Variants in KLHL1 observed in about 807,000 individuals in gnomAD.
KLHL1 encodes kelch-like protein 1.
KLHL1 carries 47 observed loss-of-function variants against 77.7 expected under a neutral mutation model. The ratio of observed to expected loss-of-function variants is 0.60; its 90% CI spans 0.48 to 0.77. The LOEUF (loss-of-function observed/expected upper bound fraction) is 0.77. Among genes scored for constraint, KLHL1 ranks in the 30% least tolerant of loss-of-function variants. The pLI is 0.00. For missense variants in KLHL1, 925 were observed against 910.8 expected (o/e 1.02, Z -0.20); for synonymous variants, 360 against 325.2 (o/e 1.11, Z -1.15).
intron 1 of KLHL1, among the ~76,000 whole-genome samples, chr13:69,985,800 T>C (rs1884849736): frequency 6.8e-6 from 1 of 147,196 alleles, no homozygotes; most frequent in Non-Finnish European, 1.5e-5. Context: ...ATATTTTATA[T>C]ATATTTATAT....
intron 4 of KLHL1, among the ~76,000 whole-genome samples, chr13:69,890,238 CA>C (rs11353006): frequency 0.75 from 113,867 of 151,708 alleles, 45,723 homozygotes; most frequent in East Asian, 0.95. Flanking sequence ...TAACAATTTC[CA>C]AAAAAAGAAA....
At chr13:69,861,777 G>A (rs944223543) in intron 5 of KLHL1, among the ~76,000 whole-genome samples, 2 of 114,128 alleles carry the variant, frequency 1.8e-5, no homozygotes. Context: ...GAGAAACCCC[G>A]TCTCTACTAA....
intron 1 of KLHL1, among the ~76,000 whole-genome samples, chr13:70,067,392 G>C (rs978447152): frequency 2.1e-4 from 32 of 152,020 alleles, no homozygotes; most frequent in Admixed American, 9.2e-4. Context: ...GTTTTAGGTA[G>C]AATATTAATG....
chr13:69,980,930 T>A (rs1181967185), intron 1 of KLHL1, among the ~76,000 whole-genome samples: 4 of 152,200 alleles, frequency 2.6e-5, no homozygotes, highest in African/African-American at 7.2e-5. Context: ...AATTTCAGTT[T>A]GTTATGTGTT....
chr13:69,732,689 C>T (rs939014354), intron 8 of KLHL1, among the ~76,000 whole-genome samples: 1 of 151,412 alleles, frequency 6.6e-6, no homozygotes, highest in African/African-American at 2.4e-5. Flanking sequence ...TCACCCCATC[C>T]TTTTCTCACC....
intron 1 of KLHL1, among the ~76,000 whole-genome samples, chr13:69,978,507 GACAAAGTCTC>G (rs1884614194): frequency 7.1e-6 from 1 of 140,482 alleles, no homozygotes; most frequent in Non-Finnish European, 1.5e-5. Flanking sequence ...TTTTTTTTGA[GACAAAGTCTC>G]ACTCTGTCGC....
At chr13:70,067,262 T>A (rs1887030431) in intron 1 of KLHL1, among the ~76,000 whole-genome samples, 1 of 152,254 alleles carries the variant, frequency 6.6e-6, no homozygotes, top group Admixed American at 6.5e-5. Flanking sequence ...CTACTCATTG[T>A]TTATTGTATG....
chr13:69,921,443 G>A (rs1405839349), intron 4 of KLHL1, among the ~76,000 whole-genome samples: 1 of 152,140 alleles, frequency 6.6e-6, no homozygotes, highest in Non-Finnish European at 1.5e-5. Flanking sequence ...GAGTTGCTTA[G>A]TCTAATTAAT....
intron 7 of KLHL1, among the ~76,000 whole-genome samples, chr13:69,791,807 A>T (rs76643702): frequency 0.12 from 17,624 of 152,232 alleles, 1,216 homozygotes; most frequent in African/African-American, 0.19. Flanking sequence ...AAGACCTTAA[A>T]TGTTTGAAAT....
chr13:69,868,699 A>C (rs1880465007), intron 5 of KLHL1, among the ~76,000 whole-genome samples: 1 of 152,112 alleles, frequency 6.6e-6, no homozygotes, highest in Non-Finnish European at 1.5e-5. Context: ...AAATGTTAGG[A>C]CATAAATGTC....
intron 5 of KLHL1, among the ~76,000 whole-genome samples, chr13:69,857,363 G>A (rs1047821567): frequency 6.6e-6 from 1 of 151,804 alleles, no homozygotes; most frequent in Non-Finnish European, 1.5e-5. Flanking sequence ...CTACCTACTT[G>A]CCTCAAATTT....
intron 8 of KLHL1, among the ~76,000 whole-genome samples, chr13:69,724,312 A>G (rs557938458): frequency 3.9e-5 from 6 of 152,288 alleles, no homozygotes; most frequent in Non-Finnish European, 7.4e-5. Flanking sequence ...ACATGTCGTC[A>G]GGACCTCCTG....
chr13:69,948,648 C>G (rs922560659), intron 3 of KLHL1, among the ~76,000 whole-genome samples: 1 of 151,850 alleles, frequency 6.6e-6, no homozygotes, highest in Non-Finnish European at 1.5e-5. Flanking sequence ...TGAATTTATA[C>G]TGCATTGACA....
chr13:69,798,046 A>G (rs925700141), intron 6 of KLHL1, among the ~76,000 whole-genome samples: 3 of 152,092 alleles, frequency 2.0e-5, no homozygotes, highest in Non-Finnish European at 4.4e-5. Context: ...GGGTTTAATT[A>G]CCCAATTCTC....
intron 1 of KLHL1, among the ~76,000 whole-genome samples, chr13:70,095,374 G>A (rs1040931596): frequency 6.6e-5 from 10 of 152,030 alleles, no homozygotes; most frequent in Non-Finnish European, 1.5e-5. Flanking sequence ...GGAACCTATT[G>A]GAAAATAAAA....
intron 4 of KLHL1, among the ~76,000 whole-genome samples, chr13:69,897,622 G>A (rs75177733): frequency 0.086 from 13,077 of 152,082 alleles, 655 homozygotes; most frequent in African/African-American, 0.12. Context: ...TCCAGAGTGC[G>A]TTGACTACCT....
At chr13:69,886,715 C>A (rs1169988788) in intron 4 of KLHL1, among the ~76,000 whole-genome samples, 1 of 152,030 alleles carries the variant, frequency 6.6e-6, no homozygotes, top group African/African-American at 2.4e-5. Context: ...CAGCTAATAT[C>A]AAACCAACAC....
At chr13:70,104,573 G>C (rs553227048) in intron 1 of KLHL1, among the ~76,000 whole-genome samples, 1 of 152,208 alleles carries the variant, frequency 6.6e-6, no homozygotes, top group African/African-American at 2.4e-5. Flanking sequence ...AATGAATAAA[G>C]ATAATGTCAG....
chr13:69,855,767 A>G (rs1379394867), intron 5 of KLHL1, among the ~76,000 whole-genome samples: 2 of 150,314 alleles, frequency 1.3e-5, no homozygotes, highest in African/African-American at 4.9e-5. Flanking sequence ...TTTATAAATT[A>G]CCCAGTCTTG....
Sources: allele counts gnomAD v4.1 joint callset (sites outside exome capture counted in the v4.1 genomes callset), GRCh38; gene constraint gnomAD v4.1.1; transcripts MANE v1.5; gene names NCBI Gene and HGNC (gene_info 2026-07-23, HGNC 2026-07-21).